DMD: variants seen among roughly 807,000 people sequenced by gnomAD.
The protein encoded by DMD is mutant dystrophin.
DMD carries 63 observed loss-of-function variants against 330.1 expected under a neutral mutation model. The ratio of observed to expected loss-of-function variants is 0.19; its 90% CI spans 0.16 to 0.24. The LOEUF (loss-of-function observed/expected upper bound fraction) is 0.24, where lower values mean the gene tolerates loss of function less well. Among genes scored for constraint, DMD ranks in the 10% least tolerant of loss-of-function variants. The pLI, the probability that DMD is intolerant of heterozygous loss-of-function variation, is 1.00. For missense variants in DMD, 3,344 were observed against 2,684.1 expected (o/e 1.25, Z -5.43); for synonymous variants, 1,223 against 959.8 (o/e 1.27, Z -5.07).
At chrX:32,688,776 G>A in intron 9 of DMD, among the ~76,000 whole-genome samples, 1 of 111,351 alleles carries the variant, frequency 9.0e-6, no homozygotes, top group Non-Finnish European at 1.9e-5. Flanking sequence ...AATGTTCTTC[G>A]AAAAGTTTAA....
At chrX:32,594,936 A>G (rs748007761) in intron 13 of DMD, among the ~76,000 whole-genome samples, 6 of 111,695 alleles carry the variant, frequency 5.4e-5, no homozygotes, top group African/African-American at 1.9e-4. Flanking sequence ...ATCAAAGAAA[A>G]GTTATAGCAA....
At chrX:32,877,139 G>A (rs1242242765) in intron 2 of DMD, among the ~76,000 whole-genome samples, 3 of 111,822 alleles carry the variant, frequency 2.7e-5, no homozygotes, top group African/African-American at 9.8e-5. Flanking sequence ...TCTGCAGCTA[G>A]ATGTAAACAA....
intron 1 of DMD, among the ~76,000 whole-genome samples, chrX:33,082,371 A>G (rs1458775390): frequency 8.9e-6 from 1 of 112,390 alleles, no homozygotes; most frequent in Non-Finnish European, 1.9e-5. Context: ...ACATAGTAAG[A>G]AGTTTCTTTT....
intron 42 of DMD, among the ~76,000 whole-genome samples, chrX:32,288,301 G>A (rs1255482795): frequency 9.0e-6 from 1 of 111,335 alleles, no homozygotes; most frequent in African/African-American, 3.3e-5. Flanking sequence ...GATTTCAATT[G>A]AATTATAGTA....
intron 43 of DMD, among the ~76,000 whole-genome samples, chrX:32,234,098 G>A (rs1189546678): frequency 9.0e-6 from 1 of 111,726 alleles, no homozygotes; most frequent in African/African-American, 3.3e-5. Context: ...ATAGACAGCA[G>A]GGACGGCAGT....
At chrX:32,947,896 T>C (rs925961328) in intron 2 of DMD, among the ~76,000 whole-genome samples, 1 of 111,466 alleles carries the variant, frequency 9.0e-6, no homozygotes, top group Non-Finnish European at 1.9e-5. Flanking sequence ...AACAGATTCC[T>C]AAGCTATTTG....
chrX:32,833,427 T>C (rs1046167019), intron 4 of DMD, among the ~76,000 whole-genome samples: 1 of 110,283 alleles, frequency 9.1e-6, no homozygotes, highest in Admixed American at 9.8e-5. Context: ...ACTAAACTTT[T>C]TGGGAAAGTA....
chrX:33,073,449 A>T (rs1355827531), intron 1 of DMD, among the ~76,000 whole-genome samples: 1 of 111,933 alleles, frequency 8.9e-6, no homozygotes, highest in African/African-American at 3.2e-5. Context: ...GATCAGGCCC[A>T]ACTGCCAATA....
chrX:33,099,087 T>C lies in DMD; in HGVS notation c.32-78887A>G, dbSNP rs192414721. 6.2e-5 allele frequency among the ~76,000 whole-genome samples: 7 copies of C among 112,383 alleles called. No homozygotes were observed. The East Asian group carries it at 2.0e-3, about 32-fold the overall frequency. On this transcript the variant is annotated intron_variant, in intron 1 of 78. Transcript: ENST00000357033. ...AGAACATAAAGTACATTGATTTCTT[T>C]ATTACGGCTAGTAGATATTTAAGAA...
chrX:32,019,367 C>T (rs993080200), intron 44 of DMD, among the ~76,000 whole-genome samples: 3 of 110,915 alleles, frequency 2.7e-5, no homozygotes, highest in African/African-American at 6.5e-5. Flanking sequence ...GGCTTCTTGC[C>T]GAATTTTATA....
chrX:32,450,731 G>A (rs1003828979), intron 26 of DMD, among the ~76,000 whole-genome samples: 35 of 110,740 alleles, frequency 3.2e-4, no homozygotes, highest in African/African-American at 1.1e-3. Flanking sequence ...ATGAGCTGAA[G>A]AAGGAGCATG....
chrX:32,804,566 C>CT (rs1420198468), intron 7 of DMD, among the ~76,000 whole-genome samples: 1 of 112,589 alleles, frequency 8.9e-6, no homozygotes, highest in Admixed American at 9.3e-5. Context: ...ACTAAACGTT[C>CT]TTGCCTGCCG....
chrX:32,723,369 C>CAT (rs1036439824), intron 7 of DMD, among the ~76,000 whole-genome samples: 2 of 111,160 alleles, frequency 1.8e-5, no homozygotes, highest in African/African-American at 3.3e-5. Flanking sequence ...TAGATATTGG[C>CAT]ATATATATAT....
At chrX:32,362,615 G>C (rs1283467091) in intron 37 of DMD, among the ~76,000 whole-genome samples, 173 bp downstream of exon 37, 1 of 111,115 alleles carries the variant, frequency 9.0e-6, no homozygotes, top group Non-Finnish European at 1.9e-5. Flanking sequence ...ACGGGGAGGA[G>C]TGGCGTTTAT....
At chrX:32,691,250 G>A (rs2063258200) in intron 9 of DMD, among the ~76,000 whole-genome samples, 1 of 108,404 alleles carries the variant, frequency 9.2e-6, no homozygotes, top group African/African-American at 3.3e-5. Flanking sequence ...GATCAGACCT[G>A]AAGACCTTAT....
chrX:33,046,747 C>G (rs1347275905), intron 1 of DMD, among the ~76,000 whole-genome samples: 1 of 111,990 alleles, frequency 8.9e-6, no homozygotes, highest in Non-Finnish European at 1.9e-5. Flanking sequence ...ATTTAGTGCC[C>G]GGAAGGGGCA....
At chrX:33,238,640 T>C (rs1422619035) in intron 1 of DMD, among the ~76,000 whole-genome samples, 1 of 111,664 alleles carries the variant, frequency 9.0e-6, no homozygotes, top group Non-Finnish European at 1.9e-5. Context: ...CACAGTATTG[T>C]GTAAGTAGAA....
At chrX:32,612,465 T>C (rs2057251048) in intron 12 of DMD, among the ~76,000 whole-genome samples, 2 of 111,878 alleles carry the variant, frequency 1.8e-5, no homozygotes, top group African/African-American at 6.5e-5. Context: ...TTTCTTTTAG[T>C]TCACCAGCTA....
At chrX:31,219,365 A>ACTCAGCC (rs1181331096) in intron 64 of DMD, among the ~76,000 whole-genome samples, 1 of 111,060 alleles carries the variant, frequency 9.0e-6, no homozygotes, top group Admixed American at 9.6e-5. Flanking sequence ...ACCGTGAAAC[A>ACTCAGCC]CTCAGCCGCC....
Sources: allele counts gnomAD v4.1 joint callset (sites outside exome capture counted in the v4.1 genomes callset), GRCh38; gene constraint gnomAD v4.1.1; transcripts MANE v1.5; gene names NCBI Gene and HGNC (gene_info 2026-07-23, HGNC 2026-07-21).